The following IMMP2L variants were observed in gnomAD, a reference collection of about 807,000 sequenced individuals.
The protein encoded by IMMP2L is mitochondrial inner membrane protease subunit 2.
IMMP2L carries 18 observed loss-of-function variants against 19.3 expected under a neutral mutation model. The observed-to-expected ratio is 0.93, with a 90% CI of 0.64 to 1.38. The LOEUF (loss-of-function observed/expected upper bound fraction) is 1.38. Among genes scored for constraint, IMMP2L ranks in the 40% most tolerant of loss-of-function variants. The probability of loss-of-function intolerance (pLI) is 0.00; values close to 1 mark genes in which losing one functional copy is unlikely to be tolerated. For synonymous variants in IMMP2L, 76 were observed against 73.0 expected (o/e 1.04, Z -0.21); for missense variants, 233 against 218.2 (o/e 1.07, Z -0.43).
intron 3 of IMMP2L, among the ~76,000 whole-genome samples, chr7:111,360,557 C>T (rs2130985533): frequency 6.6e-6 from 1 of 152,208 alleles, no homozygotes; most frequent in Non-Finnish European, 1.5e-5. Flanking sequence ...GTGGCTCTTG[C>T]CTGTAATCCC....
intron 5 of IMMP2L, among the ~76,000 whole-genome samples, chr7:110,790,705 G>A (rs984949797): frequency 6.6e-6 from 1 of 151,600 alleles, no homozygotes; most frequent in Non-Finnish European, 1.5e-5. Context: ...TTAAACAAGG[G>A]TCCTATTTTA....
intron 5 of IMMP2L, among the ~76,000 whole-genome samples, chr7:110,723,187 G>T (rs1795683171): frequency 6.6e-6 from 1 of 152,162 alleles, no homozygotes; most frequent in South Asian, 2.1e-4. Context: ...CCATAAATGG[G>T]GATGCCAAAT....
chr7:111,360,492 T>C (rs1829159206), intron 3 of IMMP2L, among the ~76,000 whole-genome samples: 1 of 152,050 alleles, frequency 6.6e-6, no homozygotes, highest in Non-Finnish European at 1.5e-5. Context: ...CACCTGTTTG[T>C]ATTCGGCCAG....
intron 5 of IMMP2L, among the ~76,000 whole-genome samples, chr7:110,841,153 G>C (rs572731841): frequency 6.6e-6 from 1 of 151,696 alleles, no homozygotes; most frequent in African/African-American, 2.4e-5. Flanking sequence ...TATAACACAC[G>C]GTTTCCTTTT....
intron 3 of IMMP2L, among the ~76,000 whole-genome samples, chr7:111,078,633 C>T (rs1217335308): frequency 3.3e-5 from 5 of 152,016 alleles, no homozygotes; most frequent in Admixed American, 2.0e-4. Flanking sequence ...TACAATATAT[C>T]CTTTGATGTG....
intron 3 of IMMP2L, among the ~76,000 whole-genome samples, chr7:111,361,043 T>C (rs1180309528): frequency 6.6e-6 from 1 of 152,028 alleles, no homozygotes; most frequent in Non-Finnish European, 1.5e-5. Flanking sequence ...CTCTTTAGGG[T>C]CCTAAATTTT....
intron 3 of IMMP2L, among the ~76,000 whole-genome samples, chr7:111,016,546 A>C (rs1585762848): frequency 8.3e-6 from 1 of 119,766 alleles, no homozygotes; most frequent in Non-Finnish European, 1.6e-5. Flanking sequence ...ATATTATAAT[A>C]TATAGTATAT....
At chr7:111,496,819 T>C (rs900678453) in intron 2 of IMMP2L, among the ~76,000 whole-genome samples, 21 of 151,974 alleles carry the variant, frequency 1.4e-4, no homozygotes, top group Admixed American at 6.6e-5. Context: ...AGCTTGCACA[T>C]AGCCTATAAT....
chr7:111,020,665 G>A (rs1271135453), intron 3 of IMMP2L, among the ~76,000 whole-genome samples: 1 of 152,122 alleles, frequency 6.6e-6, no homozygotes, highest in Admixed American at 6.5e-5. Context: ...AGGAGGCTGA[G>A]GTGGGAGGAT....
At chr7:111,537,404 A>T (rs890392481) in intron 1 of IMMP2L, among the ~76,000 whole-genome samples, 2 of 151,884 alleles carry the variant, frequency 1.3e-5, no homozygotes, top group East Asian at 3.9e-4. Flanking sequence ...AATAGAAATC[A>T]TCCTAACTTT....
rs145109572 is a variant in IMMP2L at position 111,067,772 on chromosome 7, G to C, written c.240-104207C>G. Among the ~76,000 whole-genome samples the C allele has an allele frequency of 2.1e-3, 321 of 152,264 alleles. 1 individual carries two copies. Among genetic ancestry groups the C allele is most frequent in the African/African-American group, 7.2e-3 (301 of 41,556 alleles). On this transcript the variant is annotated intron_variant, in intron 3 of 5. Coordinates refer to ENST00000405709, the MANE Select transcript of IMMP2L (RefSeq NM_032549.4). The stretch of plus-strand genomic sequence containing the variant: ...TGGTAAAAGTGACATTCAAACCCAA[G>C]TTTGTCTAATGGCCAAGTATATGCT...
At position 110,772,663 on chromosome 7, in the gene IMMP2L, C is replaced by T. The variant is rs541512356; in HGVS notation, c.409-108942G>A. On this transcript the variant is annotated intron_variant, in intron 5 of 5. Coordinates refer to ENST00000405709, the MANE Select transcript of IMMP2L (RefSeq NM_032549.4). Reference sequence around the variant, plus strand: ...CTTGTTCAGAAATTATGGCTTTAGACAAGGCTTAACAAGGTCCACTTCTCT... The same window carrying T: ...CTTGTTCAGAAATTATGGCTTTAGATAAGGCTTAACAAGGTCCACTTCTCT... 8.5e-5 allele frequency among the ~76,000 whole-genome samples: 13 copies of T among 152,186 alleles called. No individual in the cohort carries two copies. The East Asian group carries it at 2.5e-3, about 30-fold the overall frequency.
At position 110,939,388 on chromosome 7, in the gene IMMP2L, CAA is replaced by C. The variant is rs58982346; in HGVS notation, c.305+24110_305+24111del. ...AAACCATTGATCTAATGCAAAATTG[CAA>C]AAAAAAAAAAAAAAATCAGTTGTTT... On this transcript the variant is annotated intron_variant, in intron 4 of 5. Coordinates refer to ENST00000405709, the MANE Select transcript of IMMP2L (RefSeq NM_032549.4). 2.3e-3 allele frequency among the ~76,000 whole-genome samples: 286 copies of C among 125,656 alleles called. 2 individuals are homozygous for C. The highest frequency in any genetic ancestry group is 6.2e-3 in the African/African-American group (213 of 34,458). 82.4% of individuals were successfully genotyped at this position (125,656 alleles called of 152,430 possible). A position where few individuals can be genotyped will look rare whatever the true frequency, so the allele number is the denominator to read the frequency against.
At chr7:110,946,404 A>G (rs1585386105) in intron 4 of IMMP2L, among the ~76,000 whole-genome samples, 1 of 152,276 alleles carries the variant, frequency 6.6e-6, no homozygotes, top group African/African-American at 2.4e-5. Flanking sequence ...AATATATTGC[A>G]ACATTTACAG....
chr7:111,017,555 A>T (rs989118479), intron 3 of IMMP2L, among the ~76,000 whole-genome samples: 13 of 152,138 alleles, frequency 8.5e-5, no homozygotes, highest in Admixed American at 5.2e-4. Context: ...CCACTCCCAG[A>T]TATGGAAATT....
chr7:111,127,987 T>A (rs1801482571), intron 3 of IMMP2L, among the ~76,000 whole-genome samples: 2 of 152,182 alleles, frequency 1.3e-5, no homozygotes. Flanking sequence ...AGCAACAGGT[T>A]GGCAGACATA....
At chr7:110,779,490 G>C (rs1489888572) in intron 5 of IMMP2L, among the ~76,000 whole-genome samples, 1 of 151,884 alleles carries the variant, frequency 6.6e-6, no homozygotes. Context: ...GGTCTGGCAG[G>C]GGGAGAAAGG....
chr7:110,965,090 T>G (rs953673189), intron 3 of IMMP2L, among the ~76,000 whole-genome samples: 1 of 152,040 alleles, frequency 6.6e-6, no homozygotes, highest in African/African-American at 2.4e-5. Flanking sequence ...TTGGGGTAAT[T>G]TGTCATGTAG....
At chr7:111,187,512 ATAGT>A in intron 3 of IMMP2L, among the ~76,000 whole-genome samples, 1 of 152,288 alleles carries the variant, frequency 6.6e-6, no homozygotes, top group South Asian at 2.1e-4. Context: ...CCACTATATT[ATAGT>A]TAGTGTCTGG....
Sources: allele counts gnomAD v4.1 joint callset (sites outside exome capture counted in the v4.1 genomes callset), GRCh38; gene constraint gnomAD v4.1.1; transcripts MANE v1.5; gene names NCBI Gene and HGNC (gene_info 2026-07-23, HGNC 2026-07-21).